The following TGFBR3 variants were observed in gnomAD, a reference collection of about 807,000 sequenced individuals.
TGFBR3 encodes transforming growth factor beta receptor 3.
TGFBR3 carries 46 observed loss-of-function variants against 87.9 expected under a neutral mutation model. The observed-to-expected ratio is 0.52, with a 90% confidence interval of 0.41 to 0.67. TGFBR3 has a LOEUF of 0.67. TGFBR3 is among the 30% of genes least tolerant of loss of function. The probability of loss-of-function intolerance (pLI) is 0.00; values close to 1 mark genes in which losing one functional copy is unlikely to be tolerated. For synonymous variants in TGFBR3, 381 were observed against 391.6 expected (o/e 0.97, Z 0.32); for missense variants, 866 against 1,041.9 (o/e 0.83, Z 2.32).
At chr1:91,863,706 G>A (rs1257951973) in intron 1 of TGFBR3, 1 of 152,134 alleles carries the variant, frequency 6.6e-6, no homozygotes, top group Non-Finnish European at 1.5e-5. Context: ...GCTAAAGAGT[G>A]GACTCACTAA....
At chr1:91,844,359 T>C (rs2799512) in intron 2 of TGFBR3, among the ~76,000 whole-genome samples, 21,735 of 152,224 alleles carry the variant, frequency 0.14, 1,970 homozygotes, top group East Asian at 0.38. Flanking sequence ...CAGAGGTTCT[T>C]AAACATAATT....
At chr1:91,761,582 C>G (rs1673964383) in intron 3 of TGFBR3, among the ~76,000 whole-genome samples, 1 of 152,166 alleles carries the variant, frequency 6.6e-6, no homozygotes, top group Non-Finnish European at 1.5e-5. Context: ...AATCCCTCAG[C>G]AACCTGTCTT....
chr1:91,714,137 A>G (rs1672082058), intron 12 of TGFBR3, among the ~76,000 whole-genome samples: 1 of 152,114 alleles, frequency 6.6e-6, no homozygotes, highest in Non-Finnish European at 1.5e-5. Context: ...GCTCATAAAA[A>G]TTACATGCTC....
chr1:91,854,940 G>C (rs1223799915), intron 2 of TGFBR3, among the ~76,000 whole-genome samples: 1 of 152,136 alleles, frequency 6.6e-6, no homozygotes, highest in Admixed American at 6.5e-5. Flanking sequence ...AGGATCAAAT[G>C]AAATACCTGT....
chr1:91,795,260 C>T (rs759220536), intron 3 of TGFBR3, among the ~76,000 whole-genome samples: 3 of 152,222 alleles, frequency 2.0e-5, no homozygotes, highest in Non-Finnish European at 4.4e-5. Flanking sequence ...ATCTTCAAAT[C>T]ACTGGCCCAA....
At chr1:91,786,376 T>C (rs547755098) in intron 3 of TGFBR3, 1 of 385,252 alleles carries the variant, frequency 2.6e-6, no homozygotes, top group South Asian at 1.9e-5. Flanking sequence ...CCAGGGTAAG[T>C]GGAGAAAAAC....
At chr1:91,743,061 C>T (rs1398867398) in intron 4 of TGFBR3, among the ~76,000 whole-genome samples, 2 of 152,144 alleles carry the variant, frequency 1.3e-5, no homozygotes, top group Non-Finnish European at 2.9e-5. Context: ...AAGTCCTCAG[C>T]GGATCCACGG....
chr1:91,772,173 C>A (rs929331684), intron 3 of TGFBR3, among the ~76,000 whole-genome samples: 1 of 152,148 alleles, frequency 6.6e-6, no homozygotes, highest in South Asian at 2.1e-4. Flanking sequence ...GAGACATAGA[C>A]CCTGATTTGC....
intron 10 of TGFBR3, among the ~76,000 whole-genome samples, chr1:91,718,153 G>A (rs1309234458): frequency 2.6e-5 from 4 of 152,190 alleles, no homozygotes; most frequent in African/African-American, 9.6e-5. Flanking sequence ...GTTGGATTCA[G>A]TCGTCCTGGC....
chr1:91,841,852 CACA>C (rs1246585798), intron 2 of TGFBR3, among the ~76,000 whole-genome samples: 1 of 144,066 alleles, frequency 6.9e-6, no homozygotes, highest in Non-Finnish European at 1.5e-5. Context: ...CACCTGTAAT[CACA>C]ACACTTTGGG....
intron 2 of TGFBR3, among the ~76,000 whole-genome samples, chr1:91,809,618 G>C (rs1052495377): frequency 6.6e-6 from 1 of 152,196 alleles, no homozygotes; most frequent in African/African-American, 2.4e-5. Flanking sequence ...TGTACACACT[G>C]GGCCACGAAC....
chr1:91,900,859 C>T (rs569244964), intron 1 of TGFBR3, among the ~76,000 whole-genome samples: 45 of 152,246 alleles, frequency 3.0e-4, no homozygotes, highest in African/African-American at 8.9e-4. Flanking sequence ...CTTGAAAAAG[C>T]AAATTCAAGA....
intron 1 of TGFBR3, chr1:91,862,046 G>C (rs1678223589): frequency 5.5e-6 from 1 of 181,698 alleles, no homozygotes; most frequent in South Asian, 1.1e-4. Context: ...AGTAGAGATG[G>C]GGTTTCACCA....
chr1:91,835,483 G>T (rs781465055), intron 2 of TGFBR3, among the ~76,000 whole-genome samples: 2 of 152,098 alleles, frequency 1.3e-5, no homozygotes, highest in Non-Finnish European at 2.9e-5. Flanking sequence ...ATATTAGAAA[G>T]GTAGTTTACA....
At chr1:91,753,238 A>G (rs1231109364) in intron 4 of TGFBR3, among the ~76,000 whole-genome samples, 1 of 150,834 alleles carries the variant, frequency 6.6e-6, no homozygotes. Flanking sequence ...ATACCAAAAA[A>G]AATCAGCTGG....
intron 3 of TGFBR3, among the ~76,000 whole-genome samples, chr1:91,759,487 T>A (rs936508159): frequency 1.9e-4 from 29 of 151,464 alleles, no homozygotes; most frequent in African/African-American, 7.0e-4. Context: ...GTCATCACTG[T>A]TGTCATTAAC....
intron 2 of TGFBR3, among the ~76,000 whole-genome samples, chr1:91,819,241 G>T (rs569004905): frequency 6.6e-6 from 1 of 152,042 alleles, no homozygotes; most frequent in Admixed American, 6.6e-5. Context: ...GGTGGCATGC[G>T]CCTGTAATCC....
intron 13 of TGFBR3, among the ~76,000 whole-genome samples, chr1:91,710,868 C>T (rs1039857645): frequency 2.0e-5 from 3 of 152,048 alleles, no homozygotes; most frequent in South Asian, 4.2e-4. Context: ...GGGTAAAGGG[C>T]GACTTGAGGT....
At chr1:91,705,918 T>A (rs1671786221) in intron 14 of TGFBR3, among the ~76,000 whole-genome samples, 1 of 152,218 alleles carries the variant, frequency 6.6e-6, no homozygotes, top group Non-Finnish European at 1.5e-5. Flanking sequence ...AGTACAATTA[T>A]ACTAAGTTTA....
Sources: gnomAD v4.1 joint callset for allele counts (sites outside exome capture counted in the v4.1 genomes callset) on GRCh38, gnomAD v4.1.1 for gene constraint, MANE v1.5 for transcripts, NCBI Gene and HGNC (gene_info 2026-07-23, HGNC 2026-07-21) for gene names.